The following BTD variants were observed in gnomAD, a reference collection of about 807,000 sequenced individuals.
BTD encodes the protein biocytinase.
Under a neutral mutation model 17.7 loss-of-function variants are expected in BTD, and 13 were observed. The observed-to-expected ratio is 0.74, with a 90% CI of 0.48 to 1.17. BTD has a LOEUF of 1.17. Ranked by LOEUF, BTD falls within the 50% of genes most tolerant of loss-of-function variation. The pLI is 0.00. For missense variants in BTD, 674 were observed against 650.4 expected, an observed-to-expected ratio of 1.04 and a Z score of -0.39; for synonymous variants, 240 against 245.2, an observed-to-expected ratio of 0.98 and a Z score of 0.20.
chr3:15,708,660 A>G (rs2071802467), intron 3 of BTD, among the ~76,000 whole-genome samples: 1 of 152,200 alleles, frequency 6.6e-6, no homozygotes, highest in East Asian at 1.9e-4. Context: ...CTATAAAAAT[A>G]TTGCATTCCA....
intron 1 of BTD, among the ~76,000 whole-genome samples, chr3:15,621,611 T>TC (rs2064952754): frequency 6.6e-6 from 1 of 152,124 alleles, no homozygotes; most frequent in South Asian, 2.1e-4. Context: ...CTTTTTTTTT[T>TC]CCTTTGAGAT....
chr3:15,642,941 T>C (rs2125491891), intron 3 of BTD, among the ~76,000 whole-genome samples: 1 of 150,166 alleles, frequency 6.7e-6, no homozygotes, highest in Admixed American at 6.7e-5. Context: ...GGCAGGAGAA[T>C]CACTTGAACC....
chr3:15,701,158 T>C (rs79897483), intron 3 of BTD, among the ~76,000 whole-genome samples: 2,939 of 152,276 alleles, frequency 0.019, 98 homozygotes, highest in African/African-American at 0.066. Context: ...CTCACAAATA[T>C]ATGAGAGCCA....
chr3:15,653,624 A>G lies in BTD; in HGVS notation c.*8136A>G, dbSNP rs1191675832. Among the ~76,000 whole-genome samples, 1 of 152,234 alleles carries G rather than the reference A, an allele frequency of 6.6e-6. No homozygotes were observed. Among genetic ancestry groups the G allele is most frequent in the Non-Finnish European group, 1.5e-5 (1 of 68,048 alleles). On this transcript the variant is annotated 3_prime_UTR_variant, in exon 4 of 4. Transcript: ENST00000643237. ...ACATTTTCTCTAAGTACTGGAATGTAATGGTTGAAATTCCTATTCAGTGAT... is the reference window on the plus strand; with the variant it reads ...ACATTTTCTCTAAGTACTGGAATGTGATGGTTGAAATTCCTATTCAGTGAT...
At chr3:15,683,829 C>G (rs2067802056) in intron 3 of BTD, 1 of 152,184 alleles carries the variant, frequency 6.6e-6, no homozygotes, top group African/African-American at 2.4e-5. Flanking sequence ...GTCAGAACAG[C>G]TCCCAGTGAA....
At chr3:15,713,161 A>G (rs1481479385), downstream of BTD, among the ~76,000 whole-genome samples, 1 of 152,160 alleles carries the variant, frequency 6.6e-6, no homozygotes, top group Non-Finnish European at 1.5e-5. Flanking sequence ...CAGCCTGAAA[A>G]GTATTATCTA....
chr3:15,625,578 A>G (rs914213265), intron 1 of BTD, among the ~76,000 whole-genome samples: 3 of 151,808 alleles, frequency 2.0e-5, no homozygotes, highest in African/African-American at 4.8e-5. Context: ...TTGTTTTGAG[A>G]CGGAGTCTCA....
chr3:15,663,236 C>T (rs536877032), intron 3 of BTD, among the ~76,000 whole-genome samples: 35 of 152,252 alleles, frequency 2.3e-4, no homozygotes, highest in South Asian at 1.5e-3. Context: ...TCAGGTGATC[C>T]GCCCGCCTCG....
At chr3:15,691,366 G>A (rs2470545) in intron 3 of BTD, among the ~76,000 whole-genome samples, 80,375 of 151,734 alleles carry the variant, frequency 0.53, 22,170 homozygotes, top group Admixed American at 0.61. Flanking sequence ...CTTGTGATCC[G>A]CCCGCCTCGG....
chr3:15,645,412 A>G lies in BTD; in HGVS notation c.1496A>G (p.Tyr499Cys), dbSNP rs199859507. 2.9e-5 allele frequency: 47 copies of G among 1,614,010 alleles called. No individual in the cohort carries two copies. The East Asian group carries it at 9.4e-4, about 32-fold the overall frequency. Residue 499 changes from tyrosine (Y) to cysteine (C), a missense_variant, in exon 4 of 4, where the codon TAT becomes TGT. By Grantham distance (194) the Tyr-to-Cys change is radical. Coordinates refer to ENST00000643237, the MANE Select transcript of BTD (RefSeq NM_001370658.1). The part of the protein sequence containing the change: ...PDQLGWENDH[Y>C]FLRKSRLSSG... ...CAGCTTGGCTGGGAGAATGACCACTATTTCCTGAGGAAAAGTAGGCTGTCC... is the reference window on the plus strand; with the variant it reads ...CAGCTTGGCTGGGAGAATGACCACTGTTTCCTGAGGAAAAGTAGGCTGTCC...
chr3:15,631,670 C>T (rs1575007466), intron 1 of BTD, among the ~76,000 whole-genome samples: 1 of 152,182 alleles, frequency 6.6e-6, no homozygotes, highest in East Asian at 1.9e-4. Flanking sequence ...AGCAGAGCTT[C>T]TGTAGGGCCG....
chr3:15,703,357 C>T (rs994544043), intron 3 of BTD, among the ~76,000 whole-genome samples: 1 of 152,202 alleles, frequency 6.6e-6, no homozygotes, highest in Admixed American at 6.5e-5. Flanking sequence ...TATGTCCCCC[C>T]ACACCCATTC....
intron 1 of BTD, among the ~76,000 whole-genome samples, chr3:15,627,877 C>T (rs143955499): frequency 0.011 from 1,690 of 152,252 alleles, 40 homozygotes; most frequent in African/African-American, 0.039. Context: ...CCTGCCACCA[C>T]GCCTGGCTAA....
chr3:15,660,155 G>A (rs1429987181), intron 3 of BTD, among the ~76,000 whole-genome samples: 2 of 152,174 alleles, frequency 1.3e-5, no homozygotes, highest in African/African-American at 2.4e-5. Context: ...AGAAAACTGT[G>A]GTGGGGAGAA....
chr3:15,645,278 A>G lies in BTD; in HGVS notation c.1362A>G (p.Glu454=), dbSNP rs189789794. 3.0e-5 allele frequency: 48 copies of G among 1,614,194 alleles called. No homozygotes were observed. The Admixed American group carries it at 6.8e-4, about 23-fold the overall frequency. ...TTGGCTTCGACACCTGTGGACAGGAAATCACAGAGGCCACGGGGATATTTG... is the reference window on the plus strand; with the variant it reads ...TTGGCTTCGACACCTGTGGACAGGAGATCACAGAGGCCACGGGGATATTTG... ...GGLGFDTCGQ[E]ITEATGIFEF... The change falls in exon 4 of 4, where the codon GAA becomes GAG. Residue 454 remains glutamate, a synonymous_variant. Coordinates refer to ENST00000643237, the MANE Select transcript of BTD (RefSeq NM_001370658.1).
intron 1 of BTD, among the ~76,000 whole-genome samples, chr3:15,603,597 C>T (rs1180311562): frequency 6.6e-6 from 1 of 152,124 alleles, no homozygotes; most frequent in Non-Finnish European, 1.5e-5. Flanking sequence ...GCAGAGCTTG[C>T]AGTGAGCTGA....
chr3:15,709,603 G>A, intron 3 of BTD: 1 of 1,133,160 alleles, frequency 8.8e-7, no homozygotes, highest in Non-Finnish European at 1.3e-6. Flanking sequence ...TCAGAAGCCA[G>A]TTAGAAGGTC....
chr3:15,642,451 CCT>C (rs2065540027), intron 3 of BTD, among the ~76,000 whole-genome samples: 2 of 150,322 alleles, frequency 1.3e-5, no homozygotes, highest in Admixed American at 6.7e-5. Context: ...TTATTGACAT[CCT>C]CTTTTTTTTT....
chr3:15,704,607 C>A (rs2071100831), intron 3 of BTD, among the ~76,000 whole-genome samples: 1 of 152,124 alleles, frequency 6.6e-6, no homozygotes, highest in Admixed American at 6.5e-5. Flanking sequence ...TTCATTGTTG[C>A]TTTGGCAGAA....
Sources: allele counts gnomAD v4.1 joint callset (sites outside exome capture counted in the v4.1 genomes callset), GRCh38; gene constraint gnomAD v4.1.1; transcripts MANE v1.5; gene names NCBI Gene and HGNC (gene_info 2026-07-23, HGNC 2026-07-21).